Variants in FOSL1 observed in about 807,000 individuals in gnomAD.
FOSL1 encodes FOS like 1, AP-1 transcription factor subunit, also known as fos-related antigen 1.
A neutral mutation model predicts 24.9 loss-of-function variants in FOSL1; 14 were observed. The observed-to-expected ratio is 0.56, with a 90% CI of 0.37 to 0.88. FOSL1 has a LOEUF of 0.88. Among genes scored for constraint, FOSL1 ranks in the 40% least tolerant of loss-of-function variants. FOSL1 has a pLI of 0.00. For synonymous variants in FOSL1, 133 were observed against 145.1 expected, an observed-to-expected ratio of 0.92 and a Z score of 0.60; for missense variants, 318 against 359.8, an observed-to-expected ratio of 0.88 and a Z score of 0.94.
intron 1 of FOSL1, among the ~76,000 whole-genome samples, chr11:65,899,395 C>G (rs1860614686): frequency 6.6e-6 from 1 of 152,196 alleles, no homozygotes; most frequent in Non-Finnish European, 1.5e-5. Flanking sequence ...GTGACTCAGC[C>G]GCCGTGACTC....
chr11:65,896,527 G>C (rs1474875112), intron 2 of FOSL1, among the ~76,000 whole-genome samples: 1 of 152,008 alleles, frequency 6.6e-6, no homozygotes, highest in Non-Finnish European at 1.5e-5. Flanking sequence ...TGCCACCCCC[G>C]CTACCTGGAA....
At position 65,898,104 on chromosome 11, in the gene FOSL1, G is replaced by A. The variant is rs1028058987; in HGVS notation, c.100-1098C>T. The stretch of plus-strand genomic sequence containing the variant: ...CACCCAGGTTGGAGTGCAGTAGCCC[G>A]ATCTCGCCTCACTGCAACCTCCACC... On this transcript the variant is annotated intron_variant, in intron 1 of 3. Coordinates refer to ENST00000312562, the MANE Select transcript of FOSL1 (RefSeq NM_005438.5). Among the ~76,000 whole-genome samples, 16 of 136,820 alleles carry A rather than the reference G, an allele frequency of 1.2e-4. 2 individuals are homozygous for A. The highest frequency in any genetic ancestry group is 1.1e-3 in the Admixed American group (14 of 12,600). 89.8% of individuals were successfully genotyped at this position (136,820 alleles called of 152,430 possible).
rs752742890 is a variant in FOSL1, at chr11:65,892,936, C to CGCT, written c.763_765dup (p.Ser255dup). On this transcript the variant is annotated inframe_insertion, in exon 4 of 4. Coordinates refer to ENST00000312562, the MANE Select transcript of FOSL1 (RefSeq NM_005438.5). ...CCAAGGGGGTCAGAGGATGGGTCTC[C>CGCT]GCTGCTGCTGCTACTCTTGCGATGA... The CGCT allele has an allele frequency of 1.2e-6, 2 of 1,612,310 alleles. No homozygotes were observed. The highest frequency in any genetic ancestry group is 1.7e-6 in the Non-Finnish European group (2 of 1,179,998).
At chr11:65,894,209 G>C (rs1468913299) in intron 2 of FOSL1, 88 bp from the exon 3 acceptor site, 8 of 951,632 alleles carry the variant, frequency 8.4e-6, no homozygotes, top group Non-Finnish European at 9.7e-6. Flanking sequence ...TAGGACCCTG[G>C]CAGAGGTCAT....
In FOSL1 at chr11:65,892,593, G is replaced by A. The variant is rs1860412672; in HGVS notation, c.*293C>T. 1 of 608,360 alleles carries A rather than the reference G, an allele frequency of 1.6e-6. No homozygotes were observed. The highest frequency in any genetic ancestry group is 3.1e-6 in the Non-Finnish European group (1 of 324,218). 37.7% of individuals were successfully genotyped at this position (608,360 alleles called of 1,614,324 possible). The stretch of plus-strand genomic sequence containing the variant: ...GGTTAGGGCTCCAGAGGACCTCTAA[G>A]GATCTACAAAGTCTCTGGGCTGCCA... On this transcript the variant is annotated 3_prime_UTR_variant, in exon 4 of 4. Coordinates refer to ENST00000312562, the MANE Select transcript of FOSL1 (RefSeq NM_005438.5).
chr11:65,893,357 G>C lies in FOSL1; in HGVS notation c.406-61C>G, dbSNP rs1005869127. On this transcript the variant is annotated intron_variant, in intron 3 of 3. Coordinates refer to ENST00000312562, the MANE Select transcript of FOSL1 (RefSeq NM_005438.5). ...GGCTGAATACCCCAGAGCCGCAGAC[G>C]TTTGGACTCAGGGTTCTGAGGAGCT... 9 of 1,091,788 alleles carry C rather than the reference G, an allele frequency of 8.2e-6. No homozygotes were observed. In the Admixed American group the frequency reaches 1.4e-4, roughly 17 times the overall value. The allele number at this position is 1,091,788 out of a possible 1,614,324, so 67.6% of individuals were successfully genotyped here.
At chr11:65,899,584 C>T (rs1860619674) in intron 1 of FOSL1, among the ~76,000 whole-genome samples, 1 of 152,248 alleles carries the variant, frequency 6.6e-6, no homozygotes. Context: ...ACCCCGCGCA[C>T]GTCCCGGAAC....
intron 3 of FOSL1, 109 bp downstream of exon 3, chr11:65,893,905 C>T: frequency 4.0e-6 from 3 of 757,412 alleles, no homozygotes; most frequent in South Asian, 2.9e-5. Context: ...AAGGACTGCC[C>T]CTCAGACAAG....
intron 2 of FOSL1, among the ~76,000 whole-genome samples, chr11:65,896,029 T>A (rs1860517513): frequency 6.6e-6 from 1 of 152,112 alleles, no homozygotes; most frequent in Non-Finnish European, 1.5e-5. Context: ...GGGGGTTTTA[T>A]TTTATTTTGT....
rs544598629 is a variant in FOSL1 at position 65,894,845 on chromosome 11, C to T, written c.298-724G>A. ...CTAATTTTTGTATTTTTAGTAGAGA[C>T]GAGGTTTCACCATGTTGGCCAGGCT... On this transcript the variant is annotated intron_variant, in intron 2 of 3. Transcript: ENST00000312562. Among the ~76,000 whole-genome samples, 8 of 151,920 alleles carry T rather than the reference C, an allele frequency of 5.3e-5. No individual in the cohort carries two copies. In the South Asian group the frequency reaches 1.5e-3, roughly 28 times the overall value.
chr11:65,897,675 C>T (rs973485062), intron 1 of FOSL1, among the ~76,000 whole-genome samples: 6 of 151,984 alleles, frequency 3.9e-5, no homozygotes, highest in Non-Finnish European at 7.4e-5. Flanking sequence ...AACAGTTGTC[C>T]GCAGACACAG....
In FOSL1 at chr11:65,892,578, C is replaced by T. The variant is rs1349781830; in HGVS notation, c.*308G>A. On this transcript the variant is annotated 3_prime_UTR_variant, in exon 4 of 4. Transcript: ENST00000312562. The stretch of plus-strand genomic sequence containing the variant: ...CAGTGATCTGGAAGGGGTTAGGGCT[C>T]CAGAGGACCTCTAAGGATCTACAAA... 3 of 579,952 alleles carry T rather than the reference C, an allele frequency of 5.2e-6. No homozygotes were observed. Among genetic ancestry groups the T allele is most frequent in the African/African-American group, 3.7e-5 (2 of 54,482 alleles). The allele number at this position is 579,952 out of a possible 1,614,324, so 35.9% of individuals were successfully genotyped here. A position where few individuals can be genotyped will look rare whatever the true frequency, so the allele number is the denominator to read the frequency against.
At chr11:65,897,298 T>C (rs1231884229) in intron 1 of FOSL1, among the ~76,000 whole-genome samples, 2 of 152,148 alleles carry the variant, frequency 1.3e-5, no homozygotes, top group Non-Finnish European at 2.9e-5. Context: ...TACTGACTCA[T>C]ATCATTGGCA....
chr11:65,894,547 G>A (rs1046860568), intron 2 of FOSL1, among the ~76,000 whole-genome samples: 4 of 152,206 alleles, frequency 2.6e-5, no homozygotes, highest in African/African-American at 9.7e-5. Flanking sequence ...ACTAGGAGGG[G>A]CTAATGAGTG....
Position 65,894,041 on chromosome 11 carries a change from C to T in FOSL1, c.378G>A (p.Arg126=), listed in dbSNP as rs1456109124. ...CCTGCAGGAAGTCGGTCAGTTCCTT[C>T]CTCCGGTTCCTGCACTTGGCCGCAG... ...KLAAAKCRNR[R]KELTDFLQAE... The change falls in exon 3 of 4, where the codon AGG becomes AGA. Residue 126 remains arginine, a synonymous_variant. Transcript: ENST00000312562. 4 of 1,609,480 alleles carry T rather than the reference C, an allele frequency of 2.5e-6. No individual in the cohort carries two copies. Among genetic ancestry groups the T allele is most frequent in the Non-Finnish European group, 3.4e-6 (4 of 1,178,654 alleles).
Position 65,894,007 on chromosome 11 carries a change from T to C in FOSL1, c.405+7A>G. The C allele has an allele frequency of 6.4e-7, 1 of 1,564,776 alleles. No individual in the cohort carries two copies. Among genetic ancestry groups the C allele is most frequent in the Non-Finnish European group, 8.7e-7 (1 of 1,153,008 alleles). ...TCTGAGCTCGGTGGACCAGGGCTGG[T>C]GCTCACCGCCTGCAGGAAGTCGGTC... On this transcript the variant is annotated splice_region_variant and intron_variant, in intron 3 of 3. Transcript: ENST00000312562.
At position 65,892,351 on chromosome 11, in the gene FOSL1, TC is replaced by T. The variant is rs1290751182; in HGVS notation, c.*534del. ...AGCTGAAGGCTTCTCAAAGCTGAGA[TC>T]CGCAGATCAGCTCATCACAGAAGCC... On this transcript the variant is annotated 3_prime_UTR_variant, in exon 4 of 4. Transcript: ENST00000312562. 2.1e-5 allele frequency: 6 copies of T among 280,028 alleles called. No individual in the cohort carries two copies. The highest frequency in any genetic ancestry group is 1.2e-4 in the South Asian group (4 of 32,614). 17.3% of individuals were successfully genotyped at this position (280,028 alleles called of 1,614,324 possible).
At chr11:65,900,493 GGC>G, upstream of FOSL1, 1 of 409,304 alleles carries the variant, frequency 2.4e-6, no homozygotes, top group Non-Finnish European at 4.2e-6. Context: ...GTCACCTCCA[GGC>G]TCCACCCCCG....
At position 65,898,870 on chromosome 11, in the gene FOSL1, A is replaced by G. The variant is rs116227393; in HGVS notation, c.99+1371T>C. ...GTCGCTTCCCAGCTAGGATCTCAGT[A>G]GGATTGCTTGAGCCCAGGAGGCTGA... is the stretch of plus-strand genomic sequence containing the variant. On this transcript the variant is annotated intron_variant, in intron 1 of 3. Transcript: ENST00000312562. 6.5e-3 allele frequency among the ~76,000 whole-genome samples: 984 copies of G among 150,320 alleles called. 12 individuals carry two copies. The highest frequency in any genetic ancestry group is 0.023 in the African/African-American group (934 of 40,568).
Sources: allele counts gnomAD v4.1 joint callset (sites outside exome capture counted in the v4.1 genomes callset), GRCh38; gene constraint gnomAD v4.1.1; transcripts MANE v1.5; gene names NCBI Gene and HGNC (gene_info 2026-07-23, HGNC 2026-07-21).